DPP10: variants seen among roughly 807,000 people sequenced by gnomAD.
DPP10 encodes the protein inactive dipeptidyl peptidase 10.
In DPP10, 33 loss-of-function variants were observed where a neutral mutation model predicts 120.9. That is an observed-to-expected ratio of 0.27 (90% CI 0.21 to 0.37). The LOEUF is 0.37. DPP10 is among the 10% of genes least tolerant of loss of function. The probability of loss-of-function intolerance (pLI) is 1.00; values close to 1 mark genes in which losing one functional copy is unlikely to be tolerated. For synonymous variants in DPP10, 337 were observed against 326.1 expected (o/e 1.03, Z -0.36); for missense variants, 816 against 942.8 (o/e 0.87, Z 1.76).
intron 1 of DPP10, among the ~76,000 whole-genome samples, chr2:114,777,569 T>C (rs1363263632): frequency 2.0e-5 from 3 of 152,062 alleles, no homozygotes; most frequent in Non-Finnish European, 4.4e-5. Flanking sequence ...CAAATGCAAA[T>C]GGCTGGGAAG....
chr2:114,737,237 A>G (rs959032144), intron 1 of DPP10, among the ~76,000 whole-genome samples: 2 of 152,206 alleles, frequency 1.3e-5, no homozygotes, highest in Non-Finnish European at 1.5e-5. Context: ...ATCTCCAAAA[A>G]GCAGAATAAT....
rs539657006 is a variant in DPP10, at chr2:115,713,861, T to C, written c.577-13955T>C. On this transcript the variant is annotated intron_variant, in intron 7 of 25. Transcript: ENST00000410059. ...GTTCATGTCAAACCATCATCTCTTT[T>C]AATCTCTTCTTATCCCATCATCCAT... 2.1e-4 allele frequency among the ~76,000 whole-genome samples: 32 copies of C among 152,294 alleles called. No homozygotes were observed. In the South Asian group the frequency reaches 6.2e-3, roughly 30 times the overall value.
intron 1 of DPP10, among the ~76,000 whole-genome samples, chr2:114,930,889 T>C: frequency 6.6e-6 from 1 of 152,192 alleles, no homozygotes; most frequent in East Asian, 1.9e-4. Flanking sequence ...GAGTGAGAAC[T>C]TATTAACTAC....
chr2:115,526,608 A>G (rs1485602985), intron 5 of DPP10, among the ~76,000 whole-genome samples: 1 of 152,174 alleles, frequency 6.6e-6, no homozygotes, highest in East Asian at 1.9e-4. Flanking sequence ...CACGATTAAA[A>G]AGCAAAGTAA....
At chr2:115,706,717 A>G (rs1392863144) in intron 7 of DPP10, among the ~76,000 whole-genome samples, 1 of 151,972 alleles carries the variant, frequency 6.6e-6, no homozygotes, top group East Asian at 1.9e-4. Flanking sequence ...AAGAAAAATG[A>G]TAAGATTATA....
rs766349378 is a variant in DPP10, at chr2:115,836,267, TC to T, written c.2050+12del. On this transcript the variant is annotated intron_variant, in intron 22 of 25. Transcript: ENST00000410059. ...ACTTGAAATTGTATGGTGAGTACTT[TC>T]TACAGACTGACCTAGTATAATGTAT... 1 of 1,590,926 alleles carries T rather than the reference TC, an allele frequency of 6.3e-7. No individual in the cohort carries two copies. Among genetic ancestry groups the T allele is most frequent in the Admixed American group, 1.8e-5 (1 of 56,120 alleles).
At chr2:114,859,740 C>T (rs541098968) in intron 1 of DPP10, among the ~76,000 whole-genome samples, 68 of 152,270 alleles carry the variant, frequency 4.5e-4, no homozygotes, top group African/African-American at 1.6e-3. Context: ...TCTTTTTCCT[C>T]CCCAGTGATT....
intron 5 of DPP10, among the ~76,000 whole-genome samples, chr2:115,565,979 G>T (rs571606284): frequency 1.5e-3 from 227 of 151,994 alleles, no homozygotes; most frequent in African/African-American, 4.8e-3. Flanking sequence ...TAGAGACGGG[G>T]TTTCACCATG....
At chr2:114,448,589 G>T (rs1293483604) in intron 1 of DPP10, among the ~76,000 whole-genome samples, 2 of 152,090 alleles carry the variant, frequency 1.3e-5, no homozygotes, top group African/African-American at 4.8e-5. Flanking sequence ...CTTGGGGTAG[G>T]GCCCAGCAAT....
intron 5 of DPP10, among the ~76,000 whole-genome samples, chr2:115,548,407 G>A (rs1235452761): frequency 7.1e-6 from 1 of 141,340 alleles, no homozygotes; most frequent in East Asian, 3.3e-4. Flanking sequence ...ATACATGCAT[G>A]GAGGAGGTGA....
intron 21 of DPP10, among the ~76,000 whole-genome samples, chr2:115,833,226 G>T (rs1389598106): frequency 6.6e-6 from 1 of 151,978 alleles, no homozygotes; most frequent in East Asian, 1.9e-4. Context: ...TTATGGACTG[G>T]AATATTCATT....
intron 1 of DPP10, among the ~76,000 whole-genome samples, chr2:115,117,762 A>G (rs1293616199): frequency 1.3e-5 from 2 of 152,184 alleles, no homozygotes; most frequent in Non-Finnish European, 2.9e-5. Flanking sequence ...AATAATTACG[A>G]AGCTATAAAA....
chr2:115,175,412 G>A (rs2105094181), intron 1 of DPP10, among the ~76,000 whole-genome samples: 1 of 152,254 alleles, frequency 6.6e-6, no homozygotes, highest in East Asian at 1.9e-4. Flanking sequence ...AGGGGTGGGG[G>A]AACAGGAAGA....
chr2:115,805,474 C>T (rs1685828826), intron 19 of DPP10, among the ~76,000 whole-genome samples: 1 of 152,078 alleles, frequency 6.6e-6, no homozygotes. Context: ...GTGAGATGAA[C>T]CCAGTACCTC....
intron 1 of DPP10, among the ~76,000 whole-genome samples, chr2:114,873,199 A>G (rs2106568183): frequency 6.6e-6 from 1 of 152,274 alleles, no homozygotes; most frequent in Admixed American, 6.5e-5. Flanking sequence ...CCTCCTGGTA[A>G]TAATATTTGT....
intron 1 of DPP10, among the ~76,000 whole-genome samples, chr2:114,762,941 A>G (rs2106109618): frequency 6.6e-6 from 1 of 152,326 alleles, no homozygotes; most frequent in South Asian, 2.1e-4. Context: ...AGTCAATAAA[A>G]TATGGTCCAG....
At chr2:114,655,671 G>A (rs1176135658) in intron 1 of DPP10, among the ~76,000 whole-genome samples, 1 of 152,024 alleles carries the variant, frequency 6.6e-6, no homozygotes, top group African/African-American at 2.4e-5. Context: ...TAGTCAACCT[G>A]CTTTTTGGTA....
intron 1 of DPP10, among the ~76,000 whole-genome samples, chr2:115,044,192 A>C (rs1212134502): frequency 6.6e-6 from 1 of 152,038 alleles, no homozygotes; most frequent in African/African-American, 2.4e-5. Context: ...TAATTGACTC[A>C]CGCTTCTGCA....
At chr2:114,773,249 A>G (rs319857) in intron 1 of DPP10, among the ~76,000 whole-genome samples, 66,857 of 151,628 alleles carry the variant, frequency 0.44, 15,090 homozygotes, top group Admixed American at 0.5. Flanking sequence ...CACAAGGGAA[A>G]TTCGAGGAGT....
Sources: gnomAD v4.1 joint callset for allele counts (sites outside exome capture counted in the v4.1 genomes callset) on GRCh38, gnomAD v4.1.1 for gene constraint, MANE v1.5 for transcripts, NCBI Gene and HGNC (gene_info 2026-07-23, HGNC 2026-07-21) for gene names.